Variants in PCDHAC1 observed in about 807,000 individuals in gnomAD.
The protein encoded by PCDHAC1 is protocadherin alpha subfamily C, 1.
PCDHAC1 carries 42 observed loss-of-function variants against 60.0 expected under a neutral mutation model. That is an observed-to-expected ratio of 0.70 (90% CI 0.55 to 0.90). The LOEUF (loss-of-function observed/expected upper bound fraction) is 0.90. Ranked by LOEUF, PCDHAC1 falls within the 40% of genes least tolerant of loss-of-function variation. PCDHAC1 has a pLI of 0.00. For missense variants in PCDHAC1, 1,160 were observed against 1,222.3 expected (o/e 0.95, Z 0.76); for synonymous variants, 468 against 499.3 (o/e 0.94, Z 0.84).
intron 2 of PCDHAC1, chr5:140,982,212 C>A: frequency 2.1e-6 from 1 of 479,448 alleles, no homozygotes; most frequent in Non-Finnish European, 3.3e-6. Flanking sequence ...GTGAGCGCCA[C>A]ATGGCGTTAA....
At chr5:140,952,261 C>T (rs246037) in intron 1 of PCDHAC1, among the ~76,000 whole-genome samples, 85,112 of 150,858 alleles carry the variant, frequency 0.56, 24,616 homozygotes, top group African/African-American at 0.69. Flanking sequence ...GATTCCCATT[C>T]TGGGGTCTTG....
rs151084513 is a variant in PCDHAC1, at chr5:140,927,608, G to T, written c.716G>T (p.Arg239Leu). The T allele has an allele frequency of 1.2e-6, 2 of 1,614,168 alleles. No individual in the cohort carries two copies. The highest frequency in any genetic ancestry group is 3.3e-4 in the Middle Eastern group (2 of 6,062). Reference sequence around the variant, plus strand: ...CCTGTATTTGAGCGCTCCGTATACCGCACCAAGGTTCCAGAGACTGCACCC... The same window carrying T: ...CCTGTATTTGAGCGCTCCGTATACCTCACCAAGGTTCCAGAGACTGCACCC... ...NAPVFERSVY[R>L]TKVPETAPNG... Residue 239 changes from arginine (R) to leucine (L), a missense_variant, in exon 1 of 4, where the codon CGC becomes CTC. Arg to Leu is a moderately radical substitution (Grantham distance 102). Coordinates refer to ENST00000253807, the MANE Select transcript of PCDHAC1 (RefSeq NM_018898.5).
chr5:140,927,225 G>A lies in PCDHAC1; in HGVS notation c.333G>A (p.Arg111=). The part of the protein sequence containing the change: ...LEDPLELHKI[R]IHVLDTNDNS... ...ACCCGCTGGAGCTGCACAAGATTCGGATTCACGTCCTGGACACCAATGACA... is the reference window on the plus strand; with the variant it reads ...ACCCGCTGGAGCTGCACAAGATTCGAATTCACGTCCTGGACACCAATGACA... The change falls in exon 1 of 4, where the codon CGG becomes CGA. Residue 111 remains arginine (R), a synonymous_variant. Coordinates refer to ENST00000253807, the MANE Select transcript of PCDHAC1 (RefSeq NM_018898.5). The A allele has an allele frequency of 1.2e-6, 2 of 1,614,112 alleles. No homozygotes were observed. Among genetic ancestry groups the A allele is most frequent in the South Asian group, 2.2e-5 (2 of 91,076 alleles).
In PCDHAC1 at chr5:141,011,182, G is replaced by C. The variant is rs887034679; in HGVS notation, c.*1245G>C. The C allele has an allele frequency of 6.5e-6, 1 of 153,494 alleles. No individual in the cohort carries two copies. Among genetic ancestry groups the C allele is most frequent in the African/African-American group, 2.4e-5 (1 of 41,364 alleles). The allele number at this position is 153,494 out of a possible 1,614,324, so 9.5% of individuals were successfully genotyped here. A position where few individuals can be genotyped will look rare whatever the true frequency, so the allele number is the denominator to read the frequency against. On this transcript the variant is annotated 3_prime_UTR_variant, in exon 4 of 4. Coordinates refer to ENST00000253807, the MANE Select transcript of PCDHAC1 (RefSeq NM_018898.5). The stretch of plus-strand genomic sequence containing the variant: ...TATATATCAAGACCCAAAAATTGAA[G>C]AAAAATATTGTTTTCTCATACAGTG...
Position 141,011,476 on chromosome 5 carries a change from A to G in PCDHAC1, c.*1539A>G, listed in dbSNP as rs2098420741. On this transcript the variant is annotated 3_prime_UTR_variant, in exon 4 of 4. Coordinates refer to ENST00000253807, the MANE Select transcript of PCDHAC1 (RefSeq NM_018898.5). ...CTTTATTGTTGAATGTAATTCCATT[A>G]TATTTCCTTTTGTACACCTGTGAAA... 1 of 153,776 alleles carries G rather than the reference A, an allele frequency of 6.5e-6. No homozygotes were observed. 9.5% of individuals were successfully genotyped at this position (153,776 alleles called of 1,614,324 possible). A position where few individuals can be genotyped will look rare whatever the true frequency, so the allele number is the denominator to read the frequency against.
intron 3 of PCDHAC1, among the ~76,000 whole-genome samples, chr5:141,000,412 TATATA>T (rs2097919858): frequency 7.8e-5 from 8 of 102,770 alleles, no homozygotes; most frequent in African/African-American, 2.3e-4. Flanking sequence ...TATATATATA[TATATA>T]TATATTTTTT....
chr5:141,011,221 A>G lies in PCDHAC1; in HGVS notation c.*1284A>G, dbSNP rs1392607276. On this transcript the variant is annotated 3_prime_UTR_variant, in exon 4 of 4. Coordinates refer to ENST00000253807, the MANE Select transcript of PCDHAC1 (RefSeq NM_018898.5). ...TCTCATACAGTGAGCAGATTTTTCA[A>G]TCTACTAATTCTGTGACTTGTCTTG... is the stretch of plus-strand genomic sequence containing the variant. The G allele has an allele frequency of 1.3e-5, 2 of 153,780 alleles. No individual in the cohort carries two copies. The highest frequency in any genetic ancestry group is 4.8e-5 in the African/African-American group (2 of 41,464). 9.5% of individuals were successfully genotyped at this position (153,780 alleles called of 1,614,324 possible).
At position 140,928,252 on chromosome 5, in the gene PCDHAC1, G is replaced by A. The variant is rs1377533547; in HGVS notation, c.1360G>A (p.Val454Ile). The change falls in exon 1 of 4, where the codon GTT (valine) becomes ATT (isoleucine). Residue 454 changes from valine (V) to isoleucine (I), a missense_variant. Physicochemically the swap from Val to Ile is conservative, Grantham distance 29 (BLOSUM62 3). Transcript: ENST00000253807. ...TCCTCAACCCCAGCAGGAACTTTTCGTTGCTGAAAACAATGGCCCTGGGGC... is the reference window on the plus strand; with the variant it reads ...TCCTCAACCCCAGCAGGAACTTTTCATTGCTGAAAACAATGGCCCTGGGGC... Reference protein sequence around the residue: ...NFPQPQQELFVAENNGPGASL... With the variant: ...NFPQPQQELFIAENNGPGASL... 3 of 1,614,206 alleles carry A rather than the reference G, an allele frequency of 1.9e-6. No homozygotes were observed. Among genetic ancestry groups the A allele is most frequent in the East Asian group, 2.2e-5 (1 of 44,880 alleles).
At position 141,011,912 on chromosome 5, in the gene PCDHAC1, T is replaced by C. The variant is rs573561005; in HGVS notation, c.*1975T>C. ...ATTATATTATCTATTTAGGCATTAA[T>C]ATAAAAGAGGTAGGAGTCTGTTATT... On this transcript the variant is annotated 3_prime_UTR_variant, in exon 4 of 4. Coordinates refer to ENST00000253807, the MANE Select transcript of PCDHAC1 (RefSeq NM_018898.5). 4 of 153,808 alleles carry C rather than the reference T, an allele frequency of 2.6e-5. No individual in the cohort carries two copies. In the South Asian group the frequency reaches 8.3e-4, roughly 32 times the overall value. 9.5% of individuals were successfully genotyped at this position (153,808 alleles called of 1,614,324 possible).
chr5:140,963,538 C>T (rs1450528022), intron 1 of PCDHAC1, among the ~76,000 whole-genome samples: 2 of 152,188 alleles, frequency 1.3e-5, no homozygotes, highest in Non-Finnish European at 2.9e-5. Flanking sequence ...CCATTTACTT[C>T]ATGATATAAA....
chr5:140,971,599 A>G (rs891227830), intron 1 of PCDHAC1, among the ~76,000 whole-genome samples: 1 of 152,140 alleles, frequency 6.6e-6, no homozygotes, highest in African/African-American at 2.4e-5. Flanking sequence ...GTTACTACAG[A>G]TGGCAGGAGA....
Position 141,010,530 on chromosome 5 carries a change from A to T in PCDHAC1, c.*593A>T, listed in dbSNP as rs188140091. 45 of 414,090 alleles carry T rather than the reference A, an allele frequency of 1.1e-4. No homozygotes were observed. In the Admixed American group the frequency reaches 1.6e-3, roughly 15 times the overall value. The allele number at this position is 414,090 out of a possible 1,614,324, so 25.7% of individuals were successfully genotyped here. On this transcript the variant is annotated 3_prime_UTR_variant, in exon 4 of 4. Coordinates refer to ENST00000253807, the MANE Select transcript of PCDHAC1 (RefSeq NM_018898.5). ...TCTTACAACTCAAGAGGTGGCAGCC[A>T]CCCTCTAGGAGACAAAACTACCCCC... is the stretch of plus-strand genomic sequence containing the variant.
intron 3 of PCDHAC1, among the ~76,000 whole-genome samples, chr5:140,999,591 C>T (rs2153957965): frequency 1.3e-5 from 2 of 152,208 alleles, no homozygotes; most frequent in South Asian, 4.2e-4. Flanking sequence ...AATTGCCTTC[C>T]CTACATCCTG....
At chr5:140,984,281 C>G (rs574169465) in intron 3 of PCDHAC1, among the ~76,000 whole-genome samples, 32 of 152,336 alleles carry the variant, frequency 2.1e-4, no homozygotes, top group African/African-American at 7.5e-4. Context: ...AATACATTCT[C>G]CCTCCCATTG....
chr5:140,994,318 C>G (rs782231160), intron 3 of PCDHAC1, among the ~76,000 whole-genome samples: 18 of 152,300 alleles, frequency 1.2e-4, no homozygotes, highest in Non-Finnish European at 1.6e-4. Context: ...CCCAAACACT[C>G]TCAGCAACCA....
At chr5:140,954,275 T>C (rs1447578594) in intron 1 of PCDHAC1, among the ~76,000 whole-genome samples, 1 of 152,218 alleles carries the variant, frequency 6.6e-6, no homozygotes, top group Non-Finnish European at 1.5e-5. Context: ...AATAGGATGA[T>C]TTATATTCCT....
Position 140,927,487 on chromosome 5 carries a change from C to T in PCDHAC1, c.595C>T (p.His199Tyr). The T allele has an allele frequency of 1.2e-6, 2 of 1,614,142 alleles. No individual in the cohort carries two copies. The highest frequency in any genetic ancestry group is 1.7e-6 in the Non-Finnish European group (2 of 1,180,042). Residue 199 changes from histidine (H) to tyrosine (Y), a missense_variant, in exon 1 of 4, where the codon CAC becomes TAC. Around this residue, in one of 3 missense-constraint regions of PCDHAC1, gnomAD observed 1,113 missense variants for 1,163.7 expected, o/e 0.96. Coordinates refer to ENST00000253807, the MANE Select transcript of PCDHAC1 (RefSeq NM_018898.5). ...KALDREQRAT[H>Y]LLVLTARDGG... ...ACTGGATCGCGAACAGCGCGCCACC[C>T]ACCTGCTGGTGCTTACAGCTCGGGA...
At chr5:140,971,895 T>C (rs1554233682) in intron 1 of PCDHAC1, among the ~76,000 whole-genome samples, 2 of 151,872 alleles carry the variant, frequency 1.3e-5, no homozygotes, top group Non-Finnish European at 2.9e-5. Context: ...TCAGGGAGGT[T>C]AGGTAATCTA....
At chr5:140,995,647 A>G (rs1419237450) in intron 3 of PCDHAC1, among the ~76,000 whole-genome samples, 2 of 152,202 alleles carry the variant, frequency 1.3e-5, no homozygotes, top group African/African-American at 4.8e-5. Context: ...TTAGAAAAGG[A>G]GAATCGAAAA....
Sources: gnomAD v4.1 joint callset for allele counts (sites outside exome capture counted in the v4.1 genomes callset) on GRCh38, gnomAD v4.1.1 for gene constraint, gnomAD v4.1.1 regional missense constraint, MANE v1.5 for transcripts, NCBI Gene and HGNC (gene_info 2026-07-23, HGNC 2026-07-21) for gene names.